CHIC2: variants seen among roughly 807,000 people sequenced by gnomAD.
CHIC2 encodes the protein cysteine rich hydrophobic domain 2, also known as cysteine-rich hydrophobic domain-containing protein 2.
CHIC2 carries 14 observed loss-of-function variants against 25.9 expected under a neutral mutation model. The observed-to-expected ratio is 0.54, with a 90% CI of 0.36 to 0.85. CHIC2 has a LOEUF of 0.85. Ranked by LOEUF, CHIC2 falls within the 40% of genes least tolerant of loss-of-function variation. The pLI is 0.01. For missense variants in CHIC2, 146 were observed against 202.0 expected, an observed-to-expected ratio of 0.72 and a Z score of 1.68; for synonymous variants, 70 against 72.0, an observed-to-expected ratio of 0.97 and a Z score of 0.14.
intron 3 of CHIC2, among the ~76,000 whole-genome samples, chr4:54,038,494 G>A (rs1312633679): frequency 6.6e-6 from 1 of 152,090 alleles, no homozygotes; most frequent in African/African-American, 2.4e-5. Flanking sequence ...AATACATGGA[G>A]ACTATGTCAT....
chr4:54,087,264 T>A, the CHIC2 span: 14 of 599,486 alleles, frequency 2.3e-5, no homozygotes, highest in Admixed American at 2.5e-4. Context: ...GAGGACGCAT[T>A]TAAGAACAGA....
chr4:54,034,603 GT>G (rs2110073973), intron 3 of CHIC2, among the ~76,000 whole-genome samples: 1 of 151,086 alleles, frequency 6.6e-6, no homozygotes, highest in East Asian at 1.9e-4. Flanking sequence ...TTTATTTTTT[GT>G]TGATAGGGTA....
the CHIC2 span, among the ~76,000 whole-genome samples, chr4:54,069,673 A>G: frequency 6.6e-6 from 1 of 152,194 alleles, no homozygotes; most frequent in Non-Finnish European, 1.5e-5. Context: ...TCACTAGAAT[A>G]CAGAAAGACA....
chr4:54,017,098 T>C (rs1715760512), intron 3 of CHIC2, among the ~76,000 whole-genome samples: 1 of 151,956 alleles, frequency 6.6e-6, no homozygotes, highest in Admixed American at 6.6e-5. Context: ...TGTAGTCATC[T>C]AGATAAAAGT....
chr4:54,087,748 A>G, the CHIC2 span: 1 of 497,762 alleles, frequency 2.0e-6, no homozygotes, highest in Non-Finnish European at 3.6e-6. Context: ...CGGTGATTAC[A>G]AAGTAGCTTC....
At chr4:54,052,314 C>G (rs553945165) in intron 1 of CHIC2, among the ~76,000 whole-genome samples, 11 of 152,212 alleles carry the variant, frequency 7.2e-5, no homozygotes, top group Admixed American at 1.3e-4. Context: ...TTAGTTCTGG[C>G]TTCTTTTTTA....
upstream of CHIC2, chr4:54,064,738 C>T (rs899265970): frequency 1.3e-4 from 108 of 814,834 alleles, no homozygotes; most frequent in Non-Finnish European, 1.6e-4. The surrounding 1 kb of genome is among the most constrained non-coding windows in gnomAD (Gnocchi z 4.2). Flanking sequence ...GGCGGGCGCG[C>T]GCACGTGCGG....
chr4:54,044,961 G>A (rs1381474119), intron 3 of CHIC2, among the ~76,000 whole-genome samples: 5 of 152,150 alleles, frequency 3.3e-5, no homozygotes, highest in Admixed American at 6.5e-5. Flanking sequence ...AAATGATAAA[G>A]GGGATATCAC....
chr4:54,082,619 A>T, the CHIC2 span, among the ~76,000 whole-genome samples: 1 of 152,194 alleles, frequency 6.6e-6, no homozygotes, highest in Non-Finnish European at 1.5e-5. Context: ...TTGTAACTCT[A>T]ATCTCATATT....
At chr4:54,045,536 C>T (rs1382313448) in intron 3 of CHIC2, among the ~76,000 whole-genome samples, 1 of 151,758 alleles carries the variant, frequency 6.6e-6, no homozygotes, top group Non-Finnish European at 1.5e-5. Flanking sequence ...TAAACAGAAC[C>T]AAAGACAAAA....
At chr4:54,068,412 A>G (rs954147562), upstream of CHIC2, among the ~76,000 whole-genome samples, 9 of 152,210 alleles carry the variant, frequency 5.9e-5, no homozygotes, top group African/African-American at 1.9e-4. Flanking sequence ...GAAGACAACC[A>G]TATACAAGGA....
At chr4:54,043,100 C>T (rs1196738512) in intron 3 of CHIC2, among the ~76,000 whole-genome samples, 1 of 152,014 alleles carries the variant, frequency 6.6e-6, no homozygotes, top group Non-Finnish European at 1.5e-5. Context: ...TGCTTGAGTC[C>T]AGAAGTTTGA....
intron 3 of CHIC2, among the ~76,000 whole-genome samples, chr4:54,031,560 T>G (rs1162283306): frequency 2.0e-5 from 3 of 149,396 alleles, no homozygotes; most frequent in Admixed American, 1.3e-4. Context: ...TACATTGAAC[T>G]AAGCACCTAC....
intron 3 of CHIC2, among the ~76,000 whole-genome samples, chr4:54,046,637 C>T (rs1384778972): frequency 1.3e-5 from 2 of 152,126 alleles, no homozygotes; most frequent in Non-Finnish European, 2.9e-5. Context: ...ACACCTTATA[C>T]AAAAATTGAT....
the CHIC2 span, among the ~76,000 whole-genome samples, chr4:54,090,072 T>C: frequency 6.6e-6 from 1 of 152,212 alleles, no homozygotes; most frequent in Admixed American, 6.5e-5. Context: ...ATTATATACA[T>C]GCAAATGTTC....
At position 54,026,168 on chromosome 4, in the gene CHIC2, C is replaced by A. The variant is rs547654691; in HGVS notation, c.331-12049G>T. Among the ~76,000 whole-genome samples the A allele has an allele frequency of 7.9e-5, 12 of 152,222 alleles. No individual in the cohort carries two copies. In the South Asian group the frequency reaches 2.5e-3, roughly 32 times the overall value. Reference sequence around the variant, plus strand: ...CGGATCTGAAACCAGGATTAAATGGCCTTCAATTTCCTGTTCTTTTCATCA... The same window carrying A: ...CGGATCTGAAACCAGGATTAAATGGACTTCAATTTCCTGTTCTTTTCATCA... On this transcript the variant is annotated intron_variant, in intron 3 of 5. Coordinates refer to ENST00000263921, the MANE Select transcript of CHIC2 (RefSeq NM_012110.4).
At chr4:54,057,070 A>G (rs897680952) in intron 1 of CHIC2, among the ~76,000 whole-genome samples, 1 of 152,202 alleles carries the variant, frequency 6.6e-6, no homozygotes, top group Admixed American at 6.5e-5. Context: ...AGCCTACACA[A>G]AGCTAAAATT....
At chr4:54,034,723 T>C (rs1427366916) in intron 3 of CHIC2, among the ~76,000 whole-genome samples, 1 of 152,236 alleles carries the variant, frequency 6.6e-6, no homozygotes, top group Non-Finnish European at 1.5e-5. Context: ...ATTATTACTA[T>C]ACTTGTTGCT....
At chr4:54,075,064 T>C in the CHIC2 span, among the ~76,000 whole-genome samples, 4 of 152,158 alleles carry the variant, frequency 2.6e-5, no homozygotes, top group African/African-American at 9.7e-5. Context: ...TGAGCTGTGA[T>C]TGTGCCACTG....
Sources: allele counts gnomAD v4.1 joint callset (sites outside exome capture counted in the v4.1 genomes callset), GRCh38; gene constraint gnomAD v4.1.1; non-coding constraint Gnocchi (gnomAD v3.1); transcripts MANE v1.5; gene names NCBI Gene and HGNC (gene_info 2026-07-23, HGNC 2026-07-21).